The following TRIM71 variants were observed in gnomAD, a reference collection of about 807,000 sequenced individuals.
TRIM71 encodes the protein tripartite motif containing 71.
TRIM71 carries 9 observed loss-of-function variants against 61.2 expected under a neutral mutation model. The ratio of observed to expected loss-of-function variants is 0.15; its 90% CI spans 0.09 to 0.26. The LOEUF is 0.26. Ranked by LOEUF, TRIM71 falls within the 10% of genes least tolerant of loss-of-function variation. TRIM71 has a pLI of 1.00. For missense variants in TRIM71, 998 were observed against 1,238.7 expected, an observed-to-expected ratio of 0.81 and a Z score of 2.92; for synonymous variants, 645 against 553.2, an observed-to-expected ratio of 1.17 and a Z score of -2.33.
chr3:32,889,559 A>ATT (rs1553647452), intron 3 of TRIM71, among the ~76,000 whole-genome samples: 18 of 139,604 alleles, frequency 1.3e-4, no homozygotes, highest in Admixed American at 7.3e-4. Flanking sequence ...GTTTTGTCCC[A>ATT]ATTATTATTA....
chr3:32,825,640 T>TA (rs1696192393), intron 1 of TRIM71, among the ~76,000 whole-genome samples: 1 of 152,172 alleles, frequency 6.6e-6, no homozygotes, highest in Admixed American at 6.5e-5. Context: ...TAATAAAGGT[T>TA]AAAGGCCTGG....
intron 1 of TRIM71, among the ~76,000 whole-genome samples, chr3:32,851,270 G>T (rs1015587469): frequency 5.3e-5 from 8 of 152,170 alleles, no homozygotes; most frequent in Admixed American, 4.6e-4. Context: ...ATTAGTAAAA[G>T]AACTGAATAC....
At chr3:32,871,290 T>A (rs1696792293) in intron 1 of TRIM71, among the ~76,000 whole-genome samples, 1 of 152,136 alleles carries the variant, frequency 6.6e-6, no homozygotes, top group Non-Finnish European at 1.5e-5. Context: ...TCTAGGTAGT[T>A]ACAATTTGCA....
chr3:32,877,441 C>A (rs925137967), intron 2 of TRIM71, among the ~76,000 whole-genome samples: 1 of 151,876 alleles, frequency 6.6e-6, no homozygotes, highest in Non-Finnish European at 1.5e-5. Flanking sequence ...TCTCAAACTC[C>A]TGGGCTTTTA....
rs1559553582 is a variant in TRIM71 at position 32,896,394 on chromosome 3, C to G, written c.*4583C>G. On this transcript the variant is annotated 3_prime_UTR_variant, in exon 4 of 4. Coordinates refer to ENST00000383763, the MANE Select transcript of TRIM71 (RefSeq NM_001039111.3). The stretch of plus-strand genomic sequence containing the variant: ...AGTGACTGTTGAAGTGTGTATTGCT[C>G]TTTTGTTTTGTTTTTATTTTTTTCT... 6.6e-6 allele frequency: 1 copy of G among 151,770 alleles called. No homozygotes were observed. Among genetic ancestry groups the G allele is most frequent in the African/African-American group, 2.4e-5 (1 of 41,326 alleles). The allele number at this position is 151,770 out of a possible 1,614,324, so 9.4% of individuals were successfully genotyped here.
chr3:32,876,718 G>A (rs543999397), intron 2 of TRIM71, among the ~76,000 whole-genome samples: 21 of 152,298 alleles, frequency 1.4e-4, no homozygotes, highest in African/African-American at 5.1e-4. Flanking sequence ...GAATGCTGGT[G>A]CTCTCTGTGC....
At chr3:32,869,230 G>T (rs995893010) in intron 1 of TRIM71, among the ~76,000 whole-genome samples, 1 of 151,788 alleles carries the variant, frequency 6.6e-6, no homozygotes, top group Non-Finnish European at 1.5e-5. Context: ...TGGGTGGGTG[G>T]AGATCTAGCC....
intron 2 of TRIM71, among the ~76,000 whole-genome samples, chr3:32,875,320 G>T (rs1487511051): frequency 6.6e-6 from 1 of 152,232 alleles, no homozygotes; most frequent in Admixed American, 6.5e-5. Flanking sequence ...AATTGGCAGG[G>T]TTCTCTCACA....
intron 1 of TRIM71, among the ~76,000 whole-genome samples, chr3:32,845,489 C>G (rs1696460274): frequency 6.6e-6 from 1 of 152,206 alleles, no homozygotes; most frequent in Non-Finnish European, 1.5e-5. Context: ...CTCCTTCCCT[C>G]TAGCGGGTTT....
intron 1 of TRIM71, among the ~76,000 whole-genome samples, chr3:32,836,218 G>A (rs1047072398): frequency 6.6e-6 from 1 of 151,976 alleles, no homozygotes; most frequent in Non-Finnish European, 1.5e-5. Context: ...TCCACCAGCC[G>A]CATTTCCTCC....
chr3:32,879,743 C>T (rs753711365), intron 2 of TRIM71, among the ~76,000 whole-genome samples: 1 of 151,042 alleles, frequency 6.6e-6, no homozygotes, highest in South Asian at 2.1e-4. Flanking sequence ...GAGGCTGAGG[C>T]GGGAGGATCA....
intron 1 of TRIM71, among the ~76,000 whole-genome samples, chr3:32,873,237 T>C (rs1208370934): frequency 6.6e-6 from 1 of 152,172 alleles, no homozygotes; most frequent in East Asian, 1.9e-4. Context: ...CCACTAGCTT[T>C]TTGCCTTCGT....
intron 1 of TRIM71, among the ~76,000 whole-genome samples, chr3:32,834,962 C>T (rs991305683): frequency 6.6e-6 from 1 of 152,214 alleles, no homozygotes; most frequent in African/African-American, 2.4e-5. Flanking sequence ...ATCAGTTCCT[C>T]TTTGTCCTAG....
intron 1 of TRIM71, among the ~76,000 whole-genome samples, chr3:32,847,498 G>A (rs1696489496): frequency 6.6e-6 from 1 of 152,134 alleles, no homozygotes; most frequent in East Asian, 1.9e-4. Flanking sequence ...CCCAGCCAGG[G>A]TAGTGCTGTT....
chr3:32,836,821 A>T (rs1163337310), intron 1 of TRIM71, among the ~76,000 whole-genome samples: 1 of 152,156 alleles, frequency 6.6e-6, no homozygotes, highest in African/African-American at 2.4e-5. Context: ...TCGTGGCCAT[A>T]TACTGGTAGC....
chr3:32,862,917 G>A (rs1330526138), intron 1 of TRIM71, among the ~76,000 whole-genome samples: 1 of 152,120 alleles, frequency 6.6e-6, no homozygotes, highest in African/African-American at 2.4e-5. Flanking sequence ...GTTGCCTCTT[G>A]CGAGATATAA....
chr3:32,851,553 A>T (rs1696538302), intron 1 of TRIM71, among the ~76,000 whole-genome samples: 1 of 152,080 alleles, frequency 6.6e-6, no homozygotes, highest in Non-Finnish European at 1.5e-5. Context: ...ATCTCAGCTC[A>T]CTGCTACCGT....
At chr3:32,857,493 C>T (rs1696618519) in intron 1 of TRIM71, among the ~76,000 whole-genome samples, 1 of 152,168 alleles carries the variant, frequency 6.6e-6, no homozygotes, top group Admixed American at 6.5e-5. Flanking sequence ...GTTAGGGGCG[C>T]TGACGCCCTG....
intron 1 of TRIM71, among the ~76,000 whole-genome samples, chr3:32,841,142 A>G (rs1696400429): frequency 6.6e-6 from 1 of 151,626 alleles, no homozygotes; most frequent in South Asian, 2.1e-4. Context: ...CTACTCGGGA[A>G]GCTGAGGCAG....
Sources: allele counts gnomAD v4.1 joint callset (sites outside exome capture counted in the v4.1 genomes callset), GRCh38; gene constraint gnomAD v4.1.1; transcripts MANE v1.5; gene names NCBI Gene and HGNC (gene_info 2026-07-23, HGNC 2026-07-21).